The following TENM2 variants were observed in gnomAD, a reference collection of about 807,000 sequenced individuals.
TENM2 encodes teneurin transmembrane protein 2.
Under a neutral mutation model 245.2 loss-of-function variants are expected in TENM2, and 52 were observed. The observed-to-expected ratio is 0.21, with a 90% CI of 0.17 to 0.27. The LOEUF (loss-of-function observed/expected upper bound fraction) is 0.27, where lower values mean the gene tolerates loss of function less well. Ranked by LOEUF, TENM2 falls within the 10% of genes least tolerant of loss-of-function variation. The pLI is 1.00. For missense variants in TENM2, 3,046 were observed against 3,666.8 expected, an observed-to-expected ratio of 0.83 and a Z score of 4.37; for synonymous variants, 1,363 against 1,438.9, an observed-to-expected ratio of 0.95 and a Z score of 1.19.
At chr5:167,936,352 T>C (rs377621106) in intron 3 of TENM2, among the ~76,000 whole-genome samples, 3 of 152,218 alleles carry the variant, frequency 2.0e-5, no homozygotes, top group East Asian at 3.8e-4. Context: ...TAGCAAACAA[T>C]ATTTAAATGA....
chr5:167,222,248 A>G, the TENM2 span, among the ~76,000 whole-genome samples: 32,578 of 152,118 alleles, frequency 0.21, 4,204 homozygotes, highest in African/African-American at 0.36. Context: ...CTGCCTTCAC[A>G]TATGCAATGG....
the TENM2 span, among the ~76,000 whole-genome samples, chr5:167,176,969 C>G: frequency 1.3e-5 from 2 of 152,098 alleles, no homozygotes; most frequent in Non-Finnish European, 2.9e-5. Context: ...TGGGACAAGG[C>G]AAAGAAAAAC....
chr5:167,841,293 G>T (rs1371878926), intron 2 of TENM2, among the ~76,000 whole-genome samples: 1 of 152,124 alleles, frequency 6.6e-6, no homozygotes, highest in Admixed American at 6.5e-5. Context: ...CTGACCTCAG[G>T]TGATCTGCCC....
At chr5:167,792,663 C>T (rs1426220831) in intron 2 of TENM2, among the ~76,000 whole-genome samples, 1 of 151,386 alleles carries the variant, frequency 6.6e-6, no homozygotes, top group Non-Finnish European at 1.5e-5. Flanking sequence ...AACATAATGG[C>T]TCCCTGGGAA....
At chr5:167,865,797 G>A (rs1343215885) in intron 2 of TENM2, among the ~76,000 whole-genome samples, 10 of 152,104 alleles carry the variant, frequency 6.6e-5, no homozygotes, top group Admixed American at 5.2e-4. Flanking sequence ...TTTAAATTCA[G>A]AATCAACTCT....
chr5:167,037,913 C>T, the TENM2 span, among the ~76,000 whole-genome samples: 4 of 152,166 alleles, frequency 2.6e-5, no homozygotes, highest in East Asian at 1.9e-4. Flanking sequence ...TGAGACAACA[C>T]GGCTAGGGGT....
At chr5:167,078,556 T>A in the TENM2 span, among the ~76,000 whole-genome samples, 1 of 152,134 alleles carries the variant, frequency 6.6e-6, no homozygotes, top group East Asian at 1.9e-4. Flanking sequence ...GGGTATAATA[T>A]TACAATCATA....
chr5:167,842,688 C>A (rs1421776828), intron 2 of TENM2, among the ~76,000 whole-genome samples: 2 of 151,910 alleles, frequency 1.3e-5, no homozygotes, highest in Admixed American at 1.3e-4. Flanking sequence ...GTTTGCACCC[C>A]ATGTGACTCC....
intron 2 of TENM2, among the ~76,000 whole-genome samples, chr5:167,727,234 C>T (rs1760084759): frequency 6.6e-6 from 1 of 151,570 alleles, no homozygotes; most frequent in Admixed American, 6.6e-5. Context: ...CTCAGCCTCC[C>T]GAGTTGCTGG....
chr5:167,290,005 T>G (rs1382387629), intron 1 of TENM2, among the ~76,000 whole-genome samples: 1 of 152,204 alleles, frequency 6.6e-6, no homozygotes, highest in African/African-American at 2.4e-5. Context: ...CTTGAGAAGA[T>G]TGCTTTCCAT....
intron 2 of TENM2, among the ~76,000 whole-genome samples, chr5:167,606,134 C>T (rs968350460): frequency 6.6e-5 from 10 of 152,166 alleles, no homozygotes; most frequent in African/African-American, 2.2e-4. Flanking sequence ...TGCCCTGGAC[C>T]TTGAGCCAAG....
At chr5:167,610,669 C>T (rs1777421377) in intron 2 of TENM2, among the ~76,000 whole-genome samples, 1 of 152,134 alleles carries the variant, frequency 6.6e-6, no homozygotes, top group African/African-American at 2.4e-5. Context: ...TTGAGATGGG[C>T]TAGGTTGAAT....
chr5:167,916,142 G>A (rs1374935590), intron 3 of TENM2, among the ~76,000 whole-genome samples: 2 of 152,240 alleles, frequency 1.3e-5, no homozygotes, highest in Non-Finnish European at 2.9e-5. Flanking sequence ...TTTGTGTTAT[G>A]TCCATTAGCG....
chr5:167,041,174 T>G, the TENM2 span, among the ~76,000 whole-genome samples: 1 of 152,054 alleles, frequency 6.6e-6, no homozygotes, highest in Non-Finnish European at 1.5e-5. Context: ...TACTGAATCC[T>G]TTCCCTGGTT....
intron 6 of TENM2, among the ~76,000 whole-genome samples, chr5:168,052,607 C>T (rs1308635284): frequency 2.0e-5 from 3 of 152,122 alleles, no homozygotes; most frequent in Non-Finnish European, 4.4e-5. Context: ...TTCTTCCCAA[C>T]ATTGGCTTGA....
the TENM2 span, among the ~76,000 whole-genome samples, chr5:166,982,231 TC>T: frequency 6.6e-6 from 1 of 152,142 alleles, no homozygotes; most frequent in Non-Finnish European, 1.5e-5. Flanking sequence ...ATGGAACTTG[TC>T]AATCACATTT....
chr5:167,321,271 CAAAG>C (rs1331405956), intron 1 of TENM2, among the ~76,000 whole-genome samples: 5 of 151,520 alleles, frequency 3.3e-5, no homozygotes, highest in Admixed American at 1.3e-4. Flanking sequence ...TGAAAATAGA[CAAAG>C]AAAAATATAG....
At chr5:168,180,384 T>A (rs1282130340) in intron 13 of TENM2, among the ~76,000 whole-genome samples, 1 of 152,260 alleles carries the variant, frequency 6.6e-6, no homozygotes, top group Non-Finnish European at 1.5e-5. Context: ...TTTAACTGAC[T>A]CCCAAATTAC....
intron 10 of TENM2, among the ~76,000 whole-genome samples, chr5:168,123,570 G>C (rs189045448): frequency 6.6e-6 from 1 of 152,340 alleles, no homozygotes; most frequent in East Asian, 1.9e-4. Context: ...CACTGTCAGC[G>C]TGGTCCATAA....
Sources: gnomAD v4.1 joint callset for allele counts (sites outside exome capture counted in the v4.1 genomes callset) on GRCh38, gnomAD v4.1.1 for gene constraint, MANE v1.5 for transcripts, NCBI Gene and HGNC (gene_info 2026-07-23, HGNC 2026-07-21) for gene names.